PPP3CA: variants seen among roughly 807,000 people sequenced by gnomAD.
PPP3CA encodes the protein CAM-PRP catalytic subunit.
Under a neutral mutation model 66.5 loss-of-function variants are expected in PPP3CA, and 14 were observed. The observed-to-expected ratio is 0.21, with a 90% confidence interval of 0.14 to 0.33. The LOEUF (loss-of-function observed/expected upper bound fraction) is 0.33, where lower values mean the gene tolerates loss of function less well. Ranked by LOEUF, PPP3CA falls within the 10% of genes least tolerant of loss-of-function variation. PPP3CA has a pLI of 1.00. For missense variants in PPP3CA, 317 were observed against 639.5 expected (o/e 0.50, Z 5.44); for synonymous variants, 232 against 226.2 (o/e 1.03, Z -0.23).
chr4:101,121,298 A>T (rs1722019873), intron 2 of PPP3CA, among the ~76,000 whole-genome samples: 1 of 152,146 alleles, frequency 6.6e-6, no homozygotes, highest in Non-Finnish European at 1.5e-5. Flanking sequence ...AGTTTGCCTT[A>T]TAAAACCACA....
intron 2 of PPP3CA, among the ~76,000 whole-genome samples, chr4:101,142,164 G>T (rs1473369320): frequency 6.6e-6 from 1 of 152,040 alleles, no homozygotes; most frequent in East Asian, 1.9e-4. Flanking sequence ...TGGAAGCAAA[G>T]TATACTAGAA....
intron 2 of PPP3CA, chr4:101,171,228 T>C (rs1723867883): frequency 2.2e-6 from 1 of 455,764 alleles, no homozygotes; most frequent in Non-Finnish European, 4.4e-6. Context: ...GTGGAGCTTC[T>C]GAAAAGCAGA....
chr4:101,332,243 T>C (rs1729410612), intron 1 of PPP3CA, among the ~76,000 whole-genome samples: 2 of 152,144 alleles, frequency 1.3e-5, no homozygotes, highest in Non-Finnish European at 2.9e-5. Context: ...AGGTTTCAAA[T>C]ACAGATGTGC....
chr4:101,137,889 A>G (rs576216872), intron 2 of PPP3CA, among the ~76,000 whole-genome samples: 2 of 151,832 alleles, frequency 1.3e-5, no homozygotes, highest in East Asian at 3.9e-4. Flanking sequence ...GTCCACAAAA[A>G]AAAAAAAAAA....
In PPP3CA at chr4:101,347,217, C is replaced by T. The variant is rs1004899383; in HGVS notation, c.-421G>A. 8.4e-6 allele frequency: 2 copies of T among 238,598 alleles called. No homozygotes were observed. Among genetic ancestry groups the T allele is most frequent in the Admixed American group, 6.1e-5 (1 of 16,436 alleles). 14.8% of individuals were successfully genotyped at this position (238,598 alleles called of 1,614,324 possible). On this transcript the variant is annotated 5_prime_UTR_variant, in exon 1 of 14. Coordinates refer to ENST00000394854, the MANE Select transcript of PPP3CA (RefSeq NM_000944.5). ...CGCGCACACACGGCCAGGATTAAGACCGATCACATGGGGAAGGCCGGGGGC... is the reference window on the plus strand; with the variant it reads ...CGCGCACACACGGCCAGGATTAAGATCGATCACATGGGGAAGGCCGGGGGC...
chr4:101,267,706 T>C (rs1454171832), intron 1 of PPP3CA, among the ~76,000 whole-genome samples: 1 of 152,080 alleles, frequency 6.6e-6, no homozygotes, highest in Non-Finnish European at 1.5e-5. Context: ...GAAAATGCAA[T>C]TTATACTAGT....
At chr4:101,270,796 A>C (rs760658023) in intron 1 of PPP3CA, among the ~76,000 whole-genome samples, 9 of 152,144 alleles carry the variant, frequency 5.9e-5, no homozygotes, top group Non-Finnish European at 1.2e-4. Flanking sequence ...ATTATGGTAT[A>C]TTTTACATTC....
rs1405207994 is a variant in PPP3CA, at chr4:101,347,017, G to A, written c.-221C>T. On this transcript the variant is annotated 5_prime_UTR_variant, in exon 1 of 14. Coordinates refer to ENST00000394854, the MANE Select transcript of PPP3CA (RefSeq NM_000944.5). ...CCTTCACTCCTCCTCCGCCGCTGCC[G>A]CCAGCCCCGCCGACTCGCTCCGGGC... 3.4e-6 allele frequency: 2 copies of A among 595,536 alleles called. No individual in the cohort carries two copies. Among genetic ancestry groups the A allele is most frequent in the Non-Finnish European group, 5.9e-6 (2 of 341,434 alleles). 36.9% of individuals were successfully genotyped at this position (595,536 alleles called of 1,614,324 possible).
intron 1 of PPP3CA, among the ~76,000 whole-genome samples, chr4:101,270,867 A>G (rs1172274925): frequency 6.7e-6 from 1 of 149,990 alleles, no homozygotes; most frequent in Non-Finnish European, 1.5e-5. Flanking sequence ...GATTAAATAC[A>G]GTGTGACTTT....
chr4:101,070,186 TAG>T (rs1728856945), intron 8 of PPP3CA, among the ~76,000 whole-genome samples: 1 of 152,138 alleles, frequency 6.6e-6, no homozygotes, highest in East Asian at 1.9e-4. Context: ...CTTTTTTTTA[TAG>T]TGTTATGTAC....
intron 1 of PPP3CA, among the ~76,000 whole-genome samples, chr4:101,272,277 T>A (rs1228002685): frequency 6.6e-6 from 1 of 152,198 alleles, no homozygotes; most frequent in East Asian, 1.9e-4. Context: ...CCTTAGGAAG[T>A]ACTACTAGTT....
At chr4:101,097,639 C>T (rs1730255515) in intron 5 of PPP3CA, among the ~76,000 whole-genome samples, 1 of 152,084 alleles carries the variant, frequency 6.6e-6, no homozygotes, top group East Asian at 1.9e-4. Flanking sequence ...CTATCTTTTA[C>T]ATCATTGCAA....
At chr4:101,147,163 C>G (rs958740596) in intron 2 of PPP3CA, among the ~76,000 whole-genome samples, 6 of 152,164 alleles carry the variant, frequency 3.9e-5, no homozygotes, top group Admixed American at 2.6e-4. Flanking sequence ...TCCCATTAGA[C>G]TCTGTTGTTA....
intron 1 of PPP3CA, among the ~76,000 whole-genome samples, chr4:101,278,923 T>A (rs1329387980): frequency 6.6e-6 from 1 of 152,206 alleles, no homozygotes; most frequent in Non-Finnish European, 1.5e-5. Flanking sequence ...ACACACTATA[T>A]TCTATGCAGG....
intron 1 of PPP3CA, among the ~76,000 whole-genome samples, chr4:101,253,447 A>C (rs1468930701): frequency 1.3e-5 from 2 of 152,110 alleles, no homozygotes; most frequent in African/African-American, 4.8e-5. Flanking sequence ...AACTCTTCCA[A>C]CATTTGGAAT....
chr4:101,255,183 C>T (rs1455155588), intron 1 of PPP3CA, among the ~76,000 whole-genome samples: 3 of 151,692 alleles, frequency 2.0e-5, no homozygotes, highest in Admixed American at 6.6e-5. Flanking sequence ...AAGCCTATCC[C>T]TTGTGACTTC....
intron 1 of PPP3CA, among the ~76,000 whole-genome samples, chr4:101,271,281 T>C (rs1462441538): frequency 1.3e-5 from 2 of 152,148 alleles, no homozygotes; most frequent in African/African-American, 2.4e-5. Flanking sequence ...TTATATCTTA[T>C]ATAGTTAAAA....
chr4:101,314,139 A>C (rs1728809200), intron 1 of PPP3CA, among the ~76,000 whole-genome samples: 1 of 152,214 alleles, frequency 6.6e-6, no homozygotes, highest in South Asian at 2.1e-4. Flanking sequence ...GCAATCCAGA[A>C]ACTAAAAGGA....
chr4:101,338,642 G>A (rs555351739), intron 1 of PPP3CA, among the ~76,000 whole-genome samples: 6 of 152,302 alleles, frequency 3.9e-5, no homozygotes, highest in Non-Finnish European at 2.9e-5. Context: ...TGAGAAGGAA[G>A]AGGCTCAATT....
Sources: allele counts gnomAD v4.1 joint callset (sites outside exome capture counted in the v4.1 genomes callset), GRCh38; gene constraint gnomAD v4.1.1; transcripts MANE v1.5; gene names NCBI Gene and HGNC (gene_info 2026-07-23, HGNC 2026-07-21).